The following GBP6 variants were observed in gnomAD, a reference collection of about 807,000 sequenced individuals.
GBP6 encodes the protein guanylate binding protein family member 6.
In GBP6, 54 loss-of-function variants were observed where a neutral mutation model predicts 61.5. That is an observed-to-expected ratio of 0.88 (90% CI 0.71 to 1.10). GBP6 has a LOEUF of 1.10. GBP6 is among the 50% of genes least tolerant of loss of function. The probability of loss-of-function intolerance (pLI) is 0.00; values close to 1 mark genes in which losing one functional copy is unlikely to be tolerated. For synonymous variants in GBP6, 255 were observed against 273.7 expected, an observed-to-expected ratio of 0.93 and a Z score of 0.67; for missense variants, 748 against 752.8, an observed-to-expected ratio of 0.99 and a Z score of 0.07.
chr1:89,366,797 A>C (rs1433466094), intron 1 of GBP6, among the ~76,000 whole-genome samples: 3 of 151,962 alleles, frequency 2.0e-5, no homozygotes, highest in African/African-American at 7.2e-5. Context: ...GTAAACTGAG[A>C]CTCTCTACCT....
At chr1:89,372,909 G>T (rs1393686446) in intron 3 of GBP6, among the ~76,000 whole-genome samples, 2 of 151,556 alleles carry the variant, frequency 1.3e-5, no homozygotes, top group Non-Finnish European at 2.9e-5. Flanking sequence ...TTTTGCAATT[G>T]ACTCATCTGA....
chr1:89,384,362 G>C, intron 10 of GBP6, 76 bp downstream of exon 10: 1 of 1,169,674 alleles, frequency 8.5e-7, no homozygotes, highest in Non-Finnish European at 1.2e-6. Flanking sequence ...GAAGGTTACA[G>C]CAACATCATG....
rs1321488363 is a variant in GBP6 at position 89,387,738 on chromosome 1, GC to G, written c.*2271del. ...ACTTGAGGTCAGAAGTTTGAGACCAGCCTGGCCAACATGGCGAAACCCTGCC... is the reference window on the plus strand; with the variant it reads ...ACTTGAGGTCAGAAGTTTGAGACCAGCTGGCCAACATGGCGAAACCCTGCC... On this transcript the variant is annotated 3_prime_UTR_variant, in exon 11 of 11. Transcript: ENST00000370456. 3.3e-5 allele frequency among the ~76,000 whole-genome samples: 5 copies of G among 152,210 alleles called. No homozygotes were observed. The highest frequency in any genetic ancestry group is 2.0e-4 in the Admixed American group (3 of 15,292).
intron 1 of GBP6, among the ~76,000 whole-genome samples, chr1:89,365,540 C>T (rs560294805): frequency 2.6e-5 from 4 of 152,150 alleles, no homozygotes; most frequent in South Asian, 2.1e-4. Context: ...GTTTTGCTTC[C>T]GTGAAAAATT....
intron 3 of GBP6, among the ~76,000 whole-genome samples, chr1:89,376,513 G>A (rs1279735977): frequency 1.3e-5 from 2 of 152,178 alleles, no homozygotes; most frequent in Non-Finnish European, 2.9e-5. Flanking sequence ...TCAAAAATGA[G>A]TTCGCTGTGG....
chr1:89,383,528 T>C (rs1260166705), intron 8 of GBP6, 124 bp from the exon 9 acceptor site: 11 of 681,100 alleles, frequency 1.6e-5, no homozygotes, highest in Non-Finnish European at 2.8e-5. Flanking sequence ...GCACACTTTG[T>C]AGGGGGCCAC....
intron 3 of GBP6, 146 bp downstream of exon 3, chr1:89,369,819 G>T: frequency 2.2e-6 from 2 of 902,196 alleles, no homozygotes; most frequent in South Asian, 2.1e-5. Context: ...TTCTAGACAA[G>T]GTTAGATATC....
rs1044705618 is a variant in GBP6, at chr1:89,386,034, T to C, written c.*565T>C. 2 of 152,362 alleles carry C rather than the reference T, an allele frequency of 1.3e-5. No homozygotes were observed. The highest frequency in any genetic ancestry group is 4.8e-5 in the African/African-American group (2 of 41,436). 9.4% of individuals were successfully genotyped at this position (152,362 alleles called of 1,614,324 possible). ...AATATTGCAATGTACTTGAATGTCC[T>C]TCACATTAGATTGGTAAGATAAATT... is the stretch of plus-strand genomic sequence containing the variant. On this transcript the variant is annotated 3_prime_UTR_variant, in exon 11 of 11. Transcript: ENST00000370456.
Position 89,369,546 on chromosome 1 carries a change from G to A in GBP6, c.191G>A (p.Gly64Asp). 1 of 1,613,214 alleles carries A rather than the reference G, an allele frequency of 6.2e-7. No individual in the cohort carries two copies. Among genetic ancestry groups the A allele is most frequent in the Non-Finnish European group, 8.5e-7 (1 of 1,179,482 alleles). The change falls in exon 3 of 11, where the codon GGC becomes GAC. Residue 64 changes from glycine (G) to aspartate (D), a missense_variant and splice_region_variant. Coordinates refer to ENST00000370456, the MANE Select transcript of GBP6 (RefSeq NM_198460.3). ...CTTAGCTTCCTCCTCTTCCCTGCAG[G>A]CTTCCCTCTGGGCTCCACGGTGCAG... ...LMNHLAGQNH[G>D]FPLGSTVQSE...
intron 2 of GBP6, 56 bp from the exon 3 acceptor site, chr1:89,369,490 A>G (rs1205423817): frequency 1.9e-6 from 3 of 1,578,024 alleles, no homozygotes; most frequent in Non-Finnish European, 2.6e-6. Flanking sequence ...CTGTGGCCCC[A>G]GGGCGGCTTG....
intron 1 of GBP6, among the ~76,000 whole-genome samples, chr1:89,365,069 C>T (rs747699861): frequency 5.5e-5 from 8 of 145,054 alleles, no homozygotes; most frequent in Admixed American, 1.4e-4. Flanking sequence ...AGTTAGAACA[C>T]GCAGTTTTTG....
chr1:89,377,816 T>A (rs1257281487), intron 3 of GBP6, among the ~76,000 whole-genome samples: 1 of 152,204 alleles, frequency 6.6e-6, no homozygotes, highest in Non-Finnish European at 1.5e-5. Flanking sequence ...ACACTCATCA[T>A]GAATATCCAA....
At chr1:89,377,981 CTATGTT>C in intron 3 of GBP6, 116 bp from the exon 4 acceptor site, 1 of 864,398 alleles carries the variant, frequency 1.2e-6, no homozygotes, top group South Asian at 1.6e-5. Flanking sequence ...ACATTCATGT[CTATGTT>C]CTTTGTACAG....
intron 3 of GBP6, among the ~76,000 whole-genome samples, chr1:89,373,835 T>C (rs1208428642): frequency 1.3e-5 from 2 of 151,404 alleles, no homozygotes; most frequent in East Asian, 1.9e-4. Flanking sequence ...AAATTATATA[T>C]ATATTCAATA....
intron 8 of GBP6, 94 bp downstream of exon 8, chr1:89,382,970 A>AT: frequency 1.4e-6 from 1 of 734,384 alleles, no homozygotes; most frequent in Non-Finnish European, 2.3e-6. Context: ...GAGGGATAGC[A>AT]TAACGCCTTA....
At chr1:89,379,388 C>T (rs1652899460) in intron 5 of GBP6, among the ~76,000 whole-genome samples, 1 of 151,940 alleles carries the variant, frequency 6.6e-6, no homozygotes, top group African/African-American at 2.4e-5. Context: ...TTGGAGGGGA[C>T]ACACATCCAA....
intron 8 of GBP6, 98 bp downstream of exon 8, chr1:89,382,974 C>T (rs1017972174): frequency 6.5e-5 from 46 of 709,978 alleles, no homozygotes; most frequent in Admixed American, 1.3e-4. Context: ...GATAGCATAA[C>T]GCCTTAGCTT....
At chr1:89,367,670 C>A (rs1407944332) in intron 1 of GBP6, among the ~76,000 whole-genome samples, 1 of 152,070 alleles carries the variant, frequency 6.6e-6, no homozygotes, top group Non-Finnish European at 1.5e-5. Flanking sequence ...TGTGGTGTAT[C>A]TAATTTTTTT....
Position 89,383,698 on chromosome 1 carries a change from AG to A in GBP6, c.1414del (p.Glu472AsnfsTer17). On this transcript the variant is annotated frameshift_variant, in exon 9 of 11. Transcript: ENST00000370456. LOFTEE classifies it high-confidence loss of function. ...QRFLESQMVI[E>X]ESILQSDKAL... ...TTCCTGGAGTCACAGATGGTGATAG[AG>A]GAATCCATCTTGCAGTCAGATAAAG... 6.2e-7 allele frequency: 1 copy of A among 1,612,876 alleles called. No individual in the cohort carries two copies. Among genetic ancestry groups the A allele is most frequent in the Non-Finnish European group, 8.5e-7 (1 of 1,179,750 alleles).
Sources: gnomAD v4.1 joint callset for allele counts (sites outside exome capture counted in the v4.1 genomes callset) on GRCh38, gnomAD v4.1.1 for gene constraint, MANE v1.5 for transcripts, NCBI Gene and HGNC (gene_info 2026-07-23, HGNC 2026-07-21) for gene names.